The following PTPRT variants were observed in gnomAD, a reference collection of about 807,000 sequenced individuals.
PTPRT encodes protein tyrosine phosphatase receptor type T.
In PTPRT, 56 loss-of-function variants were observed where a neutral mutation model predicts 176.8. The observed-to-expected ratio is 0.32, with a 90% CI of 0.26 to 0.40. The LOEUF is 0.40. Ranked by LOEUF, PTPRT falls within the 10% of genes least tolerant of loss-of-function variation. The pLI, the probability that PTPRT is intolerant of heterozygous loss-of-function variation, is 1.00. For missense variants in PTPRT, 1,540 were observed against 1,908.2 expected (o/e 0.81, Z 3.60); for synonymous variants, 783 against 739.0 (o/e 1.06, Z -0.96).
intron 1 of PTPRT, among the ~76,000 whole-genome samples, chr20:43,046,419 T>A (rs1426883463): frequency 6.9e-6 from 1 of 144,790 alleles, no homozygotes; most frequent in Non-Finnish European, 1.5e-5. Context: ...ATAGAAAAAA[T>A]TAGCTGGGTG....
chr20:42,370,768 G>C (rs16986798), intron 9 of PTPRT, among the ~76,000 whole-genome samples: 12,264 of 152,164 alleles, frequency 0.081, 518 homozygotes, highest in Middle Eastern at 0.14. Context: ...TTTTCCATTG[G>C]TCTTAGGATA....
chr20:42,100,551 G>A (rs1985833822), intron 26 of PTPRT, among the ~76,000 whole-genome samples: 1 of 152,198 alleles, frequency 6.6e-6, no homozygotes, highest in Non-Finnish European at 1.5e-5. Context: ...GAAGGCATTT[G>A]ACTCCAGGCA....
At chr20:42,363,364 G>C (rs554424151) in intron 9 of PTPRT, among the ~76,000 whole-genome samples, 177 of 131,846 alleles carry the variant, frequency 1.3e-3, no homozygotes, top group Middle Eastern at 5.1e-3. Flanking sequence ...AGGCTGGAGT[G>C]CAGTGGTGTG....
chr20:42,120,539 C>G (rs962629837), intron 19 of PTPRT, among the ~76,000 whole-genome samples: 3 of 152,194 alleles, frequency 2.0e-5, no homozygotes, highest in African/African-American at 7.2e-5. Flanking sequence ...GGAAGGCTGA[C>G]CTGGGAGACC....
chr20:42,448,132 G>A (rs570329016), intron 9 of PTPRT, 88 bp downstream of exon 9: 49 of 1,027,324 alleles, frequency 4.8e-5, no homozygotes, highest in Admixed American at 3.0e-4. Context: ...ACCTTTATAC[G>A]TTCAGCAGAA....
At chr20:42,445,072 G>A (rs138312204) in intron 9 of PTPRT, among the ~76,000 whole-genome samples, 270 of 152,258 alleles carry the variant, frequency 1.8e-3, no homozygotes, top group South Asian at 5.6e-3. Context: ...AGAGGCCTGA[G>A]CTGCTACATT....
chr20:42,986,119 T>C (rs886161096), intron 1 of PTPRT, among the ~76,000 whole-genome samples: 5 of 152,252 alleles, frequency 3.3e-5, no homozygotes, highest in African/African-American at 1.2e-4. Context: ...CTTAATATGA[T>C]ATTCAACTAA....
At chr20:43,134,606 G>T (rs891246415) in intron 1 of PTPRT, among the ~76,000 whole-genome samples, 1 of 152,110 alleles carries the variant, frequency 6.6e-6, no homozygotes, top group Non-Finnish European at 1.5e-5. Flanking sequence ...CTCCCCAACT[G>T]CAAGACCCCA....
In PTPRT at chr20:42,141,829, C is replaced by T; in HGVS notation, c.2770+86G>A. On this transcript the variant is annotated intron_variant, in intron 18 of 30. Coordinates refer to ENST00000373187, the MANE Select transcript of PTPRT (RefSeq NM_007050.6). ...AGAGACAGCAAAGATTATTTGATAA[C>T]AAATTCCAGGTAAATAATAGTAATA... 3 of 1,264,948 alleles carry T rather than the reference C, an allele frequency of 2.4e-6. No homozygotes were observed. The South Asian group carries it at 3.7e-5, about 16-fold the overall frequency. 78.4% of individuals were successfully genotyped at this position (1,264,948 alleles called of 1,614,324 possible). A position where few individuals can be genotyped will look rare whatever the true frequency, so the allele number is the denominator to read the frequency against.
chr20:43,053,659 T>A (rs1231081200), intron 1 of PTPRT, among the ~76,000 whole-genome samples: 1 of 152,168 alleles, frequency 6.6e-6, no homozygotes, highest in Non-Finnish European at 1.5e-5. Context: ...GAAATACTGC[T>A]CTGTCTTCCA....
intron 15 of PTPRT, among the ~76,000 whole-genome samples, chr20:42,206,765 C>A (rs1460831911): frequency 2.0e-5 from 3 of 152,250 alleles, no homozygotes; most frequent in African/African-American, 7.2e-5. Context: ...GAAGCTCGAA[C>A]TGGGTGAACT....
chr20:43,156,120 T>A (rs1600755960), intron 1 of PTPRT, among the ~76,000 whole-genome samples: 1 of 152,198 alleles, frequency 6.6e-6, no homozygotes, highest in African/African-American at 2.4e-5. Context: ...GTCCTTGTGC[T>A]GGGAGGAACC....
intron 1 of PTPRT, among the ~76,000 whole-genome samples, chr20:43,059,959 T>C (rs2146250402): frequency 6.6e-6 from 1 of 151,576 alleles, no homozygotes; most frequent in South Asian, 2.1e-4. Flanking sequence ...AGCCTGGGAG[T>C]GCAATGTATT....
At chr20:42,459,234 T>A (rs986550775) in intron 8 of PTPRT, among the ~76,000 whole-genome samples, 1 of 152,172 alleles carries the variant, frequency 6.6e-6, no homozygotes, top group Non-Finnish European at 1.5e-5. Flanking sequence ...GAATGATAAC[T>A]GAATTTGCAT....
chr20:42,707,579 G>T (rs1369395006), intron 6 of PTPRT, among the ~76,000 whole-genome samples: 1 of 152,158 alleles, frequency 6.6e-6, no homozygotes, highest in African/African-American at 2.4e-5. Flanking sequence ...GGAGCTGAGA[G>T]TGGCCACCGG....
In PTPRT at chr20:42,725,856, A is replaced by G. The variant is rs545122533; in HGVS notation, c.859+30606T>C. Among the ~76,000 whole-genome samples the G allele has an allele frequency of 2.0e-5, 3 of 151,488 alleles. No homozygotes were observed. The East Asian group carries it at 5.8e-4, about 29-fold the overall frequency. On this transcript the variant is annotated intron_variant, in intron 6 of 30. Transcript: ENST00000373187. ...TAATATACATCATTCTATTACAAAG[A>G]TACATGCACGTGTGTGTTCACAAAC... is the stretch of plus-strand genomic sequence containing the variant.
intron 3 of PTPRT, among the ~76,000 whole-genome samples, chr20:42,783,375 C>CA (rs11321200): frequency 0.01 from 1,527 of 146,246 alleles, 38 homozygotes; most frequent in African/African-American, 0.036. Flanking sequence ...TGAGAATCAA[C>CA]AAAAAAAAAA....
intron 7 of PTPRT, among the ~76,000 whole-genome samples, chr20:42,628,905 GAA>G (rs1042512110): frequency 9.9e-5 from 15 of 152,130 alleles, no homozygotes; most frequent in Admixed American, 8.5e-4. Flanking sequence ...GCCCTTAACT[GAA>G]AAAGTTTGCC....
At chr20:42,573,329 C>A (rs944899419) in intron 7 of PTPRT, among the ~76,000 whole-genome samples, 1 of 152,190 alleles carries the variant, frequency 6.6e-6, no homozygotes, top group East Asian at 1.9e-4. Context: ...GTCCACCCCC[C>A]ACCCACCCAA....
Sources: allele counts gnomAD v4.1 joint callset (sites outside exome capture counted in the v4.1 genomes callset), GRCh38; gene constraint gnomAD v4.1.1; transcripts MANE v1.5; gene names NCBI Gene and HGNC (gene_info 2026-07-23, HGNC 2026-07-21).